The following IL1RAPL1 variants were observed in gnomAD, a reference collection of about 807,000 sequenced individuals.
The protein encoded by IL1RAPL1 is interleukin 1 receptor accessory protein like 1, also known as interleukin-1 receptor accessory protein-like 1.
A neutral mutation model predicts 48.4 loss-of-function variants in IL1RAPL1; 3 were observed. The observed-to-expected ratio is 0.06, with a 90% CI of 0.03 to 0.16. The LOEUF (loss-of-function observed/expected upper bound fraction) is 0.16. Ranked by LOEUF, IL1RAPL1 falls within the 10% of genes least tolerant of loss-of-function variation. IL1RAPL1 has a pLI of 1.00. For synonymous variants in IL1RAPL1, 185 were observed against 187.7 expected, an observed-to-expected ratio of 0.99 and a Z score of 0.12; for missense variants, 349 against 530.6, an observed-to-expected ratio of 0.66 and a Z score of 3.36.
rs1701793039 is a variant in IL1RAPL1, at chrX:28,686,744, T to C, written c.-25+98697T>C. Among the ~76,000 whole-genome samples, 11 of 112,220 alleles carry C rather than the reference T, an allele frequency of 9.8e-5. No homozygotes were observed. In the South Asian group the frequency reaches 4.0e-3, roughly 41 times the overall value. On this transcript the variant is annotated intron_variant, in intron 1 of 10. Transcript: ENST00000378993. ...AAAATGGTATTATTTATTTAAAATA[T>C]TTAAGAAGGTTTTTGACTCAGATTT...
intron 5 of IL1RAPL1, among the ~76,000 whole-genome samples, chrX:29,532,041 C>T (rs754023313): frequency 9.0e-6 from 1 of 111,475 alleles, no homozygotes; most frequent in Non-Finnish European, 1.9e-5. Context: ...AGAGGGGGGG[C>T]GCATAATTCA....
chrX:28,739,539 T>G (rs1001061387), intron 1 of IL1RAPL1, among the ~76,000 whole-genome samples: 1 of 111,879 alleles, frequency 8.9e-6, no homozygotes, highest in African/African-American at 3.2e-5. Flanking sequence ...TAGACTAGGC[T>G]ATCAAGGCAC....
intron 6 of IL1RAPL1, among the ~76,000 whole-genome samples, chrX:29,791,034 G>A (rs188380704): frequency 8.2e-5 from 9 of 110,318 alleles, no homozygotes; most frequent in Admixed American, 9.8e-5. Context: ...CTACTCCAAA[G>A]CTCTTTCTCT....
At chrX:29,635,152 G>A (rs1924924492) in intron 5 of IL1RAPL1, among the ~76,000 whole-genome samples, 1 of 110,440 alleles carries the variant, frequency 9.1e-6, no homozygotes, top group South Asian at 3.9e-4. Context: ...TAGAGAAGGG[G>A]GAAATTATCA....
intron 9 of IL1RAPL1, 63 bp downstream of exon 9, chrX:29,941,857 T>C: frequency 9.4e-7 from 1 of 1,061,969 alleles, no homozygotes; most frequent in Non-Finnish European, 1.3e-6. Flanking sequence ...GTCTTTGTTT[T>C]ATTAAGGGGA....
At position 29,348,103 on chromosome X, in the gene IL1RAPL1, C is replaced by T. The variant is rs73631655; in HGVS notation, c.363-48155C>T. Among the ~76,000 whole-genome samples the T allele has an allele frequency of 5.3e-3, 592 of 112,364 alleles. 4 individuals carry two copies. Among genetic ancestry groups the T allele is most frequent in the African/African-American group, 0.018 (550 of 30,932 alleles). On this transcript the variant is annotated intron_variant, in intron 3 of 10. Transcript: ENST00000378993. ...TAAAACCACAGAAAGCAAAACTGCA[C>T]GTAAGGGGGACTACTATACTTATAA...
chrX:29,788,572 G>T (rs1569168757), intron 6 of IL1RAPL1, among the ~76,000 whole-genome samples: 1 of 110,952 alleles, frequency 9.0e-6, no homozygotes, highest in East Asian at 2.8e-4. Context: ...GTGATATTTT[G>T]ATACACATAT....
intron 2 of IL1RAPL1, among the ~76,000 whole-genome samples, chrX:29,260,302 T>C (rs1366983680): frequency 8.9e-6 from 1 of 112,345 alleles, no homozygotes; most frequent in East Asian, 2.8e-4. Context: ...CTCATGGTGC[T>C]AATAAAGACA....
chrX:29,175,851 A>G (rs1930006061), intron 2 of IL1RAPL1, among the ~76,000 whole-genome samples: 1 of 105,137 alleles, frequency 9.5e-6, no homozygotes, highest in Non-Finnish European at 1.9e-5. Context: ...GTCTCAAAAA[A>G]AAAAAAAAAA....
intron 2 of IL1RAPL1, among the ~76,000 whole-genome samples, chrX:28,910,654 C>CT (rs1923337288): frequency 1.8e-5 from 2 of 108,360 alleles, no homozygotes; most frequent in Non-Finnish European, 3.8e-5. Flanking sequence ...GTAAGACTGC[C>CT]TGACCCTAGG....
chrX:29,931,909 CCTGT>C (rs1196112142), intron 8 of IL1RAPL1, among the ~76,000 whole-genome samples: 2 of 112,547 alleles, frequency 1.8e-5, no homozygotes, highest in Non-Finnish European at 3.8e-5. Context: ...TCCATCTGTG[CCTGT>C]CTGTTTGTAT....
chrX:29,837,389 C>G (rs1364853661), intron 6 of IL1RAPL1, among the ~76,000 whole-genome samples: 11 of 104,469 alleles, frequency 1.1e-4, no homozygotes, highest in African/African-American at 3.9e-4. Flanking sequence ...TAGTATGTAT[C>G]AGGAATTATG....
chrX:28,617,246 A>G (rs1324346633), intron 1 of IL1RAPL1, among the ~76,000 whole-genome samples: 2 of 111,305 alleles, frequency 1.8e-5, no homozygotes, highest in Non-Finnish European at 3.8e-5. Flanking sequence ...ATTTGGGAGT[A>G]AGCCCCTTAC....
intron 2 of IL1RAPL1, among the ~76,000 whole-genome samples, chrX:28,890,791 A>G (rs1463648559): frequency 8.9e-6 from 1 of 112,168 alleles, no homozygotes; most frequent in Non-Finnish European, 1.9e-5. Context: ...TTGTCTGACA[A>G]TTAAGCAACA....
At chrX:28,713,206 A>G (rs1227479092) in intron 1 of IL1RAPL1, among the ~76,000 whole-genome samples, 2 of 109,935 alleles carry the variant, frequency 1.8e-5, no homozygotes, top group Non-Finnish European at 3.8e-5. Flanking sequence ...GGTGCCCGCC[A>G]CCATGCCCAG....
chrX:28,729,369 G>A (rs1935725257), intron 1 of IL1RAPL1, among the ~76,000 whole-genome samples: 1 of 111,095 alleles, frequency 9.0e-6, no homozygotes, highest in African/African-American at 3.3e-5. Context: ...ATTAAATTAG[G>A]TTATATATGC....
chrX:29,566,231 G>C (rs1219030922), intron 5 of IL1RAPL1, among the ~76,000 whole-genome samples: 1 of 111,574 alleles, frequency 9.0e-6, no homozygotes, highest in Non-Finnish European at 1.9e-5. Context: ...GAGCCACCGC[G>C]CCCGGCCCAT....
chrX:29,920,794 CAAAAAAA>C (rs1176529100), intron 8 of IL1RAPL1, among the ~76,000 whole-genome samples: 7 of 31,634 alleles, frequency 2.2e-4, no homozygotes, highest in African/African-American at 6.3e-4. Context: ...GACCCTGTCT[CAAAAAAA>C]AAAAAAAAAA....
intron 1 of IL1RAPL1, among the ~76,000 whole-genome samples, chrX:28,608,528 C>T (rs1265474784): frequency 1.8e-5 from 2 of 111,824 alleles, no homozygotes; most frequent in African/African-American, 6.5e-5. Flanking sequence ...TTACCTTAAT[C>T]TTTACCACTT....
Sources: allele counts gnomAD v4.1 joint callset (sites outside exome capture counted in the v4.1 genomes callset), GRCh38; gene constraint gnomAD v4.1.1; transcripts MANE v1.5; gene names NCBI Gene and HGNC (gene_info 2026-07-23, HGNC 2026-07-21).